UBE2V2: variants seen among roughly 807,000 people sequenced by gnomAD.
The protein encoded by UBE2V2 is ubiquitin-conjugating enzyme E2 variant 2.
UBE2V2 carries 9 observed loss-of-function variants against 17.2 expected under a neutral mutation model. The ratio of observed to expected loss-of-function variants is 0.52; its 90% CI spans 0.32 to 0.91. The LOEUF (loss-of-function observed/expected upper bound fraction) is 0.91, where lower values mean the gene tolerates loss of function less well. UBE2V2 is among the 40% of genes least tolerant of loss of function. The probability of loss-of-function intolerance (pLI) is 0.04; values close to 1 mark genes in which losing one functional copy is unlikely to be tolerated. For synonymous variants in UBE2V2, 61 were observed against 57.5 expected (o/e 1.06, Z -0.28); for missense variants, 133 against 182.6 (o/e 0.73, Z 1.56).
chr8:48,000,931 T>C, the UBE2V2 span, among the ~76,000 whole-genome samples: 3 of 147,786 alleles, frequency 2.0e-5, no homozygotes, highest in Admixed American at 6.8e-5. Flanking sequence ...AAGGACCAGG[T>C]GTTTCTCTGT....
intron 3 of UBE2V2, among the ~76,000 whole-genome samples, chr8:48,053,875 G>C (rs529936030): frequency 4.0e-5 from 6 of 150,924 alleles, no homozygotes; most frequent in Admixed American, 1.3e-4. Flanking sequence ...CATGATCTCA[G>C]CTCACTGCAA....
intron 2 of UBE2V2, chr8:48,043,386 C>T: frequency 5.2e-6 from 2 of 382,674 alleles, no homozygotes; most frequent in South Asian, 2.5e-4. Flanking sequence ...TTGATATGGT[C>T]ATTGCCATCA....
At chr8:48,014,878 G>T (rs946928149) in intron 1 of UBE2V2, among the ~76,000 whole-genome samples, 1 of 149,944 alleles carries the variant, frequency 6.7e-6, no homozygotes, top group Non-Finnish European at 1.5e-5. Context: ...GTGAAACCCC[G>T]TCTCTACCAA....
At chr8:48,058,541 C>T (rs990915248) in intron 3 of UBE2V2, among the ~76,000 whole-genome samples, 10 of 146,540 alleles carry the variant, frequency 6.8e-5, no homozygotes, top group Admixed American at 2.1e-4. Context: ...CACTGCACTG[C>T]ACTCTAGCCT....
intron 1 of UBE2V2, among the ~76,000 whole-genome samples, chr8:48,015,154 G>T (rs2091260763): frequency 6.6e-6 from 1 of 151,932 alleles, no homozygotes; most frequent in East Asian, 1.9e-4. Flanking sequence ...GAGGTGGGTG[G>T]ATTACTAGAG....
At chr8:48,011,198 C>T (rs776608769) in intron 1 of UBE2V2, among the ~76,000 whole-genome samples, 1 of 152,074 alleles carries the variant, frequency 6.6e-6, no homozygotes, top group Non-Finnish European at 1.5e-5. Context: ...AACGGAGTCT[C>T]GCCTTGTTGC....
At chr8:48,019,173 T>C (rs936485838) in intron 1 of UBE2V2, among the ~76,000 whole-genome samples, 2 of 152,094 alleles carry the variant, frequency 1.3e-5, no homozygotes, top group African/African-American at 4.8e-5. Flanking sequence ...AAGACCAGCC[T>C]GGCCAAAATG....
intron 1 of UBE2V2, among the ~76,000 whole-genome samples, chr8:48,026,115 C>A (rs1174736959): frequency 1.4e-5 from 2 of 143,658 alleles, no homozygotes. Context: ...TCATTTTATT[C>A]TTCCTTTTAC....
In UBE2V2 at chr8:48,008,654, G is replaced by C. The variant is rs907560960; in HGVS notation, c.16+184G>C. 3 of 805,722 alleles carry C rather than the reference G, an allele frequency of 3.7e-6. No homozygotes were observed. In the African/African-American group the frequency reaches 5.5e-5, roughly 15 times the overall value. 49.9% of individuals were successfully genotyped at this position (805,722 alleles called of 1,614,324 possible). ...CGGCGCCGAGGCCCCGGCGGCCGTC[G>C]GGTTGGCGGGTCGTGCTCGCGCGTC... On this transcript the variant is annotated intron_variant, in intron 1 of 3. Coordinates refer to ENST00000523111, the MANE Select transcript of UBE2V2 (RefSeq NM_003350.3).
intron 3 of UBE2V2, among the ~76,000 whole-genome samples, chr8:48,055,979 G>C (rs778075987): frequency 3.3e-5 from 5 of 151,942 alleles, no homozygotes; most frequent in African/African-American, 1.2e-4. Context: ...AGGATGGTCT[G>C]TATCTCCTGA....
At chr8:48,049,504 C>T (rs2091521050) in intron 2 of UBE2V2, 1 of 186,194 alleles carries the variant, frequency 5.4e-6, no homozygotes, top group Non-Finnish European at 1.1e-5. Flanking sequence ...TTAGCAAAAT[C>T]TAAATTTAAG....
chr8:48,033,028 C>T (rs989197807), intron 1 of UBE2V2, among the ~76,000 whole-genome samples: 4 of 152,000 alleles, frequency 2.6e-5, no homozygotes, highest in Non-Finnish European at 5.9e-5. Flanking sequence ...ACTGAGGATG[C>T]CTTGAAAGGA....
intron 3 of UBE2V2, among the ~76,000 whole-genome samples, chr8:48,053,617 G>A (rs1244955045): frequency 6.6e-6 from 1 of 151,432 alleles, no homozygotes; most frequent in African/African-American, 2.4e-5. Flanking sequence ...ATAGAGACAG[G>A]GTTTCACCAT....
intron 1 of UBE2V2, among the ~76,000 whole-genome samples, chr8:48,040,417 C>A (rs1391519283): frequency 2.0e-5 from 3 of 152,080 alleles, no homozygotes; most frequent in South Asian, 4.1e-4. Context: ...TTCCTGATAC[C>A]AAGATTGCAT....
At chr8:48,004,043 C>T (rs1300143478), upstream of UBE2V2, among the ~76,000 whole-genome samples, 1 of 152,148 alleles carries the variant, frequency 6.6e-6, no homozygotes, top group East Asian at 1.9e-4. Flanking sequence ...CCATTTTCTG[C>T]TATAACTACC....
chr8:48,030,911 A>G (rs942999372), intron 1 of UBE2V2, among the ~76,000 whole-genome samples: 3 of 152,084 alleles, frequency 2.0e-5, no homozygotes, highest in African/African-American at 7.2e-5. Flanking sequence ...AGTCCCAGCT[A>G]TTTGGGAGGC....
intron 1 of UBE2V2, among the ~76,000 whole-genome samples, chr8:48,030,713 T>C (rs12675926): frequency 0.14 from 20,772 of 151,346 alleles, 1,954 homozygotes; most frequent in South Asian, 0.31. Context: ...AGACCCTGTC[T>C]CAAAAACAAA....
At chr8:48,008,186 T>C (rs2091198138), upstream of UBE2V2, among the ~76,000 whole-genome samples, 2 of 152,112 alleles carry the variant, frequency 1.3e-5, no homozygotes, top group Admixed American at 6.6e-5. Context: ...CCTCCCAAAG[T>C]GCTGGGATTA....
chr8:48,053,963 C>G (rs1454327523), intron 3 of UBE2V2, among the ~76,000 whole-genome samples: 1 of 151,752 alleles, frequency 6.6e-6, no homozygotes, highest in Non-Finnish European at 1.5e-5. Flanking sequence ...TGCCACCATG[C>G]CTGGCTAATT....
Sources: allele counts gnomAD v4.1 joint callset (sites outside exome capture counted in the v4.1 genomes callset), GRCh38; gene constraint gnomAD v4.1.1; transcripts MANE v1.5; gene names NCBI Gene and HGNC (gene_info 2026-07-23, HGNC 2026-07-21).